HDAC9: variants seen among roughly 807,000 people sequenced by gnomAD.
The protein encoded by HDAC9 is histone deacetylase 9.
Under a neutral mutation model 139.4 loss-of-function variants are expected in HDAC9, and 41 were observed. The observed-to-expected ratio is 0.29, with a 90% CI of 0.23 to 0.38. The LOEUF is 0.38. Among genes scored for constraint, HDAC9 ranks in the 10% least tolerant of loss-of-function variants. HDAC9 has a pLI of 1.00. For synonymous variants in HDAC9, 517 were observed against 476.2 expected (o/e 1.09, Z -1.12); for missense variants, 1,147 against 1,297.0 (o/e 0.88, Z 1.78).
intron 2 of HDAC9, among the ~76,000 whole-genome samples, chr7:18,261,518 A>G (rs1795677632): frequency 6.6e-6 from 1 of 152,112 alleles, no homozygotes; most frequent in South Asian, 2.1e-4. Context: ...AAGTCCAGAA[A>G]CTGTCAGGCT....
At chr7:18,178,572 A>G (rs1253904823) in intron 2 of HDAC9, among the ~76,000 whole-genome samples, 1 of 152,162 alleles carries the variant, frequency 6.6e-6, no homozygotes, top group East Asian at 1.9e-4. Flanking sequence ...TAGTAACTTG[A>G]ACTTCTCCCT....
chr7:18,963,538 A>G (rs1432964263), intron 24 of HDAC9, among the ~76,000 whole-genome samples: 1 of 152,202 alleles, frequency 6.6e-6, no homozygotes, highest in Non-Finnish European at 1.5e-5. Context: ...GAATAATAAG[A>G]CTTATTTGTG....
chr7:18,793,907 TTGATTAGAAGG>T (rs1792553629), intron 17 of HDAC9, among the ~76,000 whole-genome samples: 1 of 152,076 alleles, frequency 6.6e-6, no homozygotes, highest in South Asian at 2.1e-4. Context: ...AAGGAAATTG[TTGATTAGAAGG>T]GTAATGATCC....
intron 1 of HDAC9, among the ~76,000 whole-genome samples, chr7:18,462,073 A>G (rs2128110764): frequency 6.6e-6 from 1 of 152,048 alleles, no homozygotes; most frequent in East Asian, 1.9e-4. Flanking sequence ...TCCTTTAAAT[A>G]GTTATAAAAC....
intron 2 of HDAC9, among the ~76,000 whole-genome samples, chr7:18,176,746 T>C (rs1413091006): frequency 6.6e-6 from 1 of 152,218 alleles, no homozygotes; most frequent in Non-Finnish European, 1.5e-5. Context: ...TATTTCATCA[T>C]GTTTGGATAA....
At chr7:18,786,470 C>CTTTCTTTCT (rs113788268) in intron 16 of HDAC9, among the ~76,000 whole-genome samples, 1 of 20,760 alleles carries the variant, frequency 4.8e-5, no homozygotes, top group African/African-American at 9.4e-5. Context: ...TCCTTCCTTT[C>CTTTCTTTCT]GTCCTTCCTT....
intron 1 of HDAC9, among the ~76,000 whole-genome samples, chr7:18,110,316 T>A (rs975053934): frequency 4.6e-5 from 7 of 152,192 alleles, no homozygotes; most frequent in Admixed American, 2.0e-4. Context: ...AAGTAACCAC[T>A]GTAGAAGAGG....
intron 17 of HDAC9, among the ~76,000 whole-genome samples, chr7:18,823,734 A>G (rs1052467618): frequency 2.6e-5 from 4 of 151,888 alleles, no homozygotes; most frequent in Non-Finnish European, 5.9e-5. Flanking sequence ...AATCTCAGCA[A>G]TTTGGGAGGC....
chr7:18,656,871 C>T (rs984718331), intron 11 of HDAC9, among the ~76,000 whole-genome samples: 2 of 152,102 alleles, frequency 1.3e-5, no homozygotes, highest in African/African-American at 4.8e-5. Flanking sequence ...GACTGTTCTC[C>T]ATAGTGGCTG....
intron 22 of HDAC9, among the ~76,000 whole-genome samples, chr7:18,895,724 C>G (rs1249115397): frequency 6.6e-6 from 1 of 152,072 alleles, no homozygotes; most frequent in Non-Finnish European, 1.5e-5. Flanking sequence ...CCCTTAGCAT[C>G]GAACAGCTCT....
intron 1 of HDAC9, among the ~76,000 whole-genome samples, chr7:18,372,207 A>G (rs950993770): frequency 3.3e-5 from 5 of 152,238 alleles, no homozygotes; most frequent in African/African-American, 4.8e-5. Context: ...GTTCAAAGCC[A>G]CTGAGCTAGG....
intron 2 of HDAC9, among the ~76,000 whole-genome samples, chr7:18,209,280 T>C (rs1791766647): frequency 6.6e-6 from 1 of 152,172 alleles, no homozygotes; most frequent in Non-Finnish European, 1.5e-5. Context: ...AATAAACCCA[T>C]GAGGTAAATA....
chr7:18,987,378 T>G (rs1368728441), intron 25 of HDAC9, among the ~76,000 whole-genome samples: 1 of 152,244 alleles, frequency 6.6e-6, no homozygotes, highest in Non-Finnish European at 1.5e-5. Flanking sequence ...TTTATTGATT[T>G]GCATATATTG....
intron 1 of HDAC9, among the ~76,000 whole-genome samples, chr7:18,453,271 T>A (rs182931854): frequency 2.4e-3 from 371 of 152,288 alleles, no homozygotes; most frequent in African/African-American, 8.3e-3. Context: ...AGTATTAACC[T>A]ATTTCCAGGT....
chr7:18,213,883 T>A (rs1335040776), intron 2 of HDAC9, among the ~76,000 whole-genome samples: 1 of 152,104 alleles, frequency 6.6e-6, no homozygotes, highest in Non-Finnish European at 1.5e-5. Context: ...ATCTCTTGAG[T>A]CATAATTTTT....
intron 1 of HDAC9, among the ~76,000 whole-genome samples, chr7:18,157,254 A>C (rs754124117): frequency 6.6e-6 from 1 of 152,222 alleles, no homozygotes; most frequent in Non-Finnish European, 1.5e-5. Flanking sequence ...ACAGGTGTTC[A>C]TTCTGAGTAG....
intron 1 of HDAC9, among the ~76,000 whole-genome samples, chr7:18,488,904 T>C (rs777708621): frequency 1.2e-4 from 19 of 152,006 alleles, no homozygotes; most frequent in Non-Finnish European, 2.4e-4. Context: ...GCAAAGGAAA[T>C]GCAAAAAGTG....
At chr7:18,885,170 C>T (rs1397374034) in intron 22 of HDAC9, among the ~76,000 whole-genome samples, 4 of 152,216 alleles carry the variant, frequency 2.6e-5, no homozygotes, top group Non-Finnish European at 5.9e-5. Context: ...GGTGAAAGCA[C>T]AGCCTGGTCG....
exon 2 of HDAC9, chr7:18,162,250 C>T: frequency 7.3e-7 from 1 of 1,377,736 alleles, no homozygotes; most frequent in Non-Finnish European, 1.0e-6. Context: ...GCCAACCCCT[C>T]CTGGACCATT....
Sources: allele counts gnomAD v4.1 joint callset (sites outside exome capture counted in the v4.1 genomes callset), GRCh38; gene constraint gnomAD v4.1.1; transcripts MANE v1.5; gene names NCBI Gene and HGNC (gene_info 2026-07-23, HGNC 2026-07-21).